Variants in CLN8 observed in about 807,000 individuals in gnomAD.
The protein encoded by CLN8 is protein CLN8.
CLN8 carries 14 observed loss-of-function variants against 15.7 expected under a neutral mutation model. The observed-to-expected ratio is 0.89, with a 90% CI of 0.59 to 1.39. The LOEUF is 1.39. Ranked by LOEUF, CLN8 falls within the 40% of genes most tolerant of loss-of-function variation. The pLI is 0.00. For missense variants in CLN8, 415 were observed against 364.0 expected, an observed-to-expected ratio of 1.14 and a Z score of -1.14; for synonymous variants, 188 against 151.0, an observed-to-expected ratio of 1.25 and a Z score of -1.80.
rs939535733 is a variant in CLN8, at chr8:1,784,790, C to G, written c.*4223C>G. On this transcript the variant is annotated 3_prime_UTR_variant, in exon 3 of 3. Coordinates refer to ENST00000331222, the MANE Select transcript of CLN8 (RefSeq NM_018941.4). ...GACACCTGCTGAGGGGGGAATTTACCACGGTAAGGGCAGGGCTGGGAGGCT... is the reference window on the plus strand; with the variant it reads ...GACACCTGCTGAGGGGGGAATTTACGACGGTAAGGGCAGGGCTGGGAGGCT... The G allele has an allele frequency of 6.5e-6, 1 of 152,852 alleles. No homozygotes were observed. The highest frequency in any genetic ancestry group is 1.9e-4 in the East Asian group (1 of 5,180). The allele number at this position is 152,852 out of a possible 1,614,324, so 9.5% of individuals were successfully genotyped here.
At chr8:1,770,038 C>G (rs370688230) in intron 1 of CLN8, among the ~76,000 whole-genome samples, 17 of 152,230 alleles carry the variant, frequency 1.1e-4, no homozygotes, top group East Asian at 1.9e-4. Flanking sequence ...CTGGGATACA[C>G]TTTGTTACAG....
intron 1 of CLN8, among the ~76,000 whole-genome samples, chr8:1,757,050 C>G (rs960002699): frequency 1.3e-5 from 2 of 152,270 alleles, no homozygotes; most frequent in East Asian, 3.9e-4. Context: ...TGATATCATT[C>G]CAAGAGATGA....
In CLN8 at chr8:1,781,158, G is replaced by C. The variant is rs1243780874; in HGVS notation, c.*591G>C. The C allele has an allele frequency of 6.5e-6, 1 of 153,032 alleles. No homozygotes were observed. The highest frequency in any genetic ancestry group is 1.5e-5 in the Non-Finnish European group (1 of 68,746). 9.5% of individuals were successfully genotyped at this position (153,032 alleles called of 1,614,324 possible). ...GGATCACTTGAGGCCAGGAGTTCGA[G>C]ACCAGCCTGGTCAAGATGGTGAAAC... On this transcript the variant is annotated 3_prime_UTR_variant, in exon 3 of 3. Transcript: ENST00000331222.
chr8:1,759,895 G>A (rs1800752612), upstream of CLN8: 1 of 152,164 alleles, frequency 6.6e-6, no homozygotes, highest in African/African-American at 2.4e-5. Flanking sequence ...ATCCCTTTGA[G>A]GACACCGTCA....
At chr8:1,778,135 C>G (rs1193350197) in intron 2 of CLN8, among the ~76,000 whole-genome samples, 3 of 152,160 alleles carry the variant, frequency 2.0e-5, no homozygotes, top group Non-Finnish European at 4.4e-5. Flanking sequence ...ACTTATGGAC[C>G]TGGTGGTTGT....
intron 2 of CLN8, chr8:1,779,926 A>G: frequency 2.0e-6 from 2 of 983,878 alleles, no homozygotes; most frequent in Non-Finnish European, 2.4e-6. Context: ...AGAAAATTCA[A>G]GATAAAACAA....
At chr8:1,776,074 G>A (rs746920745) in intron 2 of CLN8, among the ~76,000 whole-genome samples, 4 of 152,088 alleles carry the variant, frequency 2.6e-5, no homozygotes, top group African/African-American at 9.7e-5. Context: ...GCACACGTGG[G>A]TGGTGGTGCT....
chr8:1,763,243 C>A (rs1315494727), upstream of CLN8: 1 of 151,892 alleles, frequency 6.6e-6, no homozygotes, highest in African/African-American at 2.4e-5. Context: ...GCTTTCAGGT[C>A]CCCTCGGCCC....
At chr8:1,758,948 C>T (rs1004705634), upstream of CLN8, 16 of 152,116 alleles carry the variant, frequency 1.1e-4, no homozygotes, top group Admixed American at 1.3e-4. Flanking sequence ...GTGGATTTTC[C>T]CCTCAAGAGA....
chr8:1,760,451 C>T (rs1800766792), upstream of CLN8: 1 of 152,168 alleles, frequency 6.6e-6, no homozygotes, highest in African/African-American at 2.4e-5. Flanking sequence ...GTGTTCCACA[C>T]CCCGCATGGA....
intron 2 of CLN8, among the ~76,000 whole-genome samples, chr8:1,775,765 A>C (rs200690073): frequency 3.3e-5 from 5 of 152,060 alleles, no homozygotes; most frequent in East Asian, 1.9e-4. Context: ...GAGGATTCTG[A>C]TGTTCAGAAC....
chr8:1,771,679 C>G (rs1174652866), intron 2 of CLN8, 82 bp downstream of exon 2: 1 of 1,295,772 alleles, frequency 7.7e-7, no homozygotes, highest in Non-Finnish European at 1.1e-6. Context: ...CTGCCATAAA[C>G]TCAACAGCAG....
Position 1,782,422 on chromosome 8 carries a change from G to T in CLN8, c.*1855G>T, listed in dbSNP as rs1801731947. 1 of 152,248 alleles carries T rather than the reference G, an allele frequency of 6.6e-6. No homozygotes were observed. The highest frequency in any genetic ancestry group is 1.5e-5 in the Non-Finnish European group (1 of 68,062). 9.4% of individuals were successfully genotyped at this position (152,248 alleles called of 1,614,324 possible). A position where few individuals can be genotyped will look rare whatever the true frequency, so the allele number is the denominator to read the frequency against. On this transcript the variant is annotated 3_prime_UTR_variant, in exon 3 of 3. Coordinates refer to ENST00000331222, the MANE Select transcript of CLN8 (RefSeq NM_018941.4). ...GGCCTCCCAAAGTTCTGGGATTACG[G>T]GCGTGAGCCACTTCACCCGGCCCGG...
intron 2 of CLN8, among the ~76,000 whole-genome samples, chr8:1,778,663 G>A (rs1208405245): frequency 3.9e-5 from 6 of 152,228 alleles, no homozygotes; most frequent in African/African-American, 7.2e-5. Context: ...CTCTGAAGGC[G>A]TGTGTGTGCA....
upstream of CLN8, among the ~76,000 whole-genome samples, chr8:1,754,739 C>T (rs558910370): frequency 3.9e-5 from 6 of 152,296 alleles, no homozygotes; most frequent in South Asian, 2.1e-4. Context: ...ATGGGCAAGC[C>T]GTCTGTAGAC....
At chr8:1,758,735 G>A (rs1301315115) in intron 1 of CLN8, 2 of 152,172 alleles carry the variant, frequency 1.3e-5, no homozygotes, top group African/African-American at 4.8e-5. Flanking sequence ...TTTCTGATGG[G>A]CAATTAATTG....
At chr8:1,771,929 A>ATATTTATTTATTTATTTATTTATT (rs142696456) in intron 2 of CLN8, among the ~76,000 whole-genome samples, 62 of 148,168 alleles carry the variant, frequency 4.2e-4, no homozygotes, top group African/African-American at 1.5e-3. Flanking sequence ...TTTTAATACT[A>ATATTTATTTATTTATTTATTTATT]TATTTATTTA....
upstream of CLN8, among the ~76,000 whole-genome samples, chr8:1,761,257 C>G (rs1361400237): frequency 2.6e-5 from 4 of 152,034 alleles, no homozygotes; most frequent in Admixed American, 2.6e-4. Flanking sequence ...CCACACAGAG[C>G]TGGCTGTGCG....
At chr8:1,763,343 C>T (rs1419261960), upstream of CLN8, 1 of 144,830 alleles carries the variant, frequency 6.9e-6, no homozygotes, top group African/African-American at 2.6e-5. Flanking sequence ...CCGCCCCTCC[C>T]GCCGGCCGTG....
Sources: gnomAD v4.1 joint callset for allele counts (sites outside exome capture counted in the v4.1 genomes callset) on GRCh38, gnomAD v4.1.1 for gene constraint, MANE v1.5 for transcripts, NCBI Gene and HGNC (gene_info 2026-07-23, HGNC 2026-07-21) for gene names.